The following ROBO1 variants were observed in gnomAD, a reference collection of about 807,000 sequenced individuals.
The protein encoded by ROBO1 is roundabout guidance receptor 1.
Under a neutral mutation model 195.9 loss-of-function variants are expected in ROBO1, and 149 were observed. The ratio of observed to expected loss-of-function variants is 0.76; its 90% confidence interval spans 0.67 to 0.87. The LOEUF is 0.87. Among genes scored for constraint, ROBO1 ranks in the 40% least tolerant of loss-of-function variants. The probability of loss-of-function intolerance (pLI) is 0.00; values close to 1 mark genes in which losing one functional copy is unlikely to be tolerated. For synonymous variants in ROBO1, 816 were observed against 733.2 expected (o/e 1.11, Z -1.82); for missense variants, 1,933 against 2,068.3 (o/e 0.93, Z 1.27).
At chr3:78,941,518 T>C (rs866698856) in intron 3 of ROBO1, among the ~76,000 whole-genome samples, 2 of 152,192 alleles carry the variant, frequency 1.3e-5, no homozygotes, top group African/African-American at 2.4e-5. Flanking sequence ...TATTTTAAAA[T>C]CTGAAAGTCC....
intron 3 of ROBO1, among the ~76,000 whole-genome samples, chr3:79,050,045 T>C (rs1264690283): frequency 6.6e-6 from 1 of 152,050 alleles, no homozygotes; most frequent in African/African-American, 2.4e-5. Context: ...CACATAACAA[T>C]ATTAACCTTA....
At chr3:79,222,796 G>A (rs2082163287) in intron 2 of ROBO1, among the ~76,000 whole-genome samples, 2 of 151,960 alleles carry the variant, frequency 1.3e-5, no homozygotes, top group South Asian at 4.1e-4. Flanking sequence ...GGTTATGTCT[G>A]GTGAATAATT....
chr3:79,741,103 G>T (rs903702661), intron 1 of ROBO1, among the ~76,000 whole-genome samples: 4 of 152,306 alleles, frequency 2.6e-5, no homozygotes, highest in South Asian at 2.1e-4. Flanking sequence ...AGCTGGAAAA[G>T]GTTGTGCTTA....
intron 2 of ROBO1, among the ~76,000 whole-genome samples, chr3:79,399,500 C>T (rs1197851535): frequency 3.3e-5 from 5 of 152,098 alleles, no homozygotes; most frequent in Non-Finnish European, 7.4e-5. Context: ...ATCACTACTC[C>T]CTCATTTCTT....
intron 4 of ROBO1, among the ~76,000 whole-genome samples, chr3:78,858,154 G>A (rs1241926818): frequency 6.6e-6 from 1 of 152,100 alleles, no homozygotes; most frequent in Non-Finnish European, 1.5e-5. Context: ...AGTGTGGCTA[G>A]CTCATAAGGA....
At chr3:79,497,518 T>C (rs538509652) in intron 2 of ROBO1, among the ~76,000 whole-genome samples, 14 of 152,340 alleles carry the variant, frequency 9.2e-5, no homozygotes, top group Admixed American at 5.9e-4. Context: ...TATTATCTTT[T>C]ATAAGTGAGA....
intron 2 of ROBO1, among the ~76,000 whole-genome samples, chr3:79,301,419 GA>G (rs1259243667): frequency 1.3e-5 from 2 of 152,174 alleles, no homozygotes; most frequent in African/African-American, 4.8e-5. Context: ...CACCTCCTAT[GA>G]AAAGACATAT....
intron 5 of ROBO1, among the ~76,000 whole-genome samples, chr3:78,721,252 CA>C (rs1380363152): frequency 6.6e-6 from 1 of 152,170 alleles, no homozygotes; most frequent in East Asian, 1.9e-4. Context: ...ATCATCTTAT[CA>C]AAATCTTCCT....
At chr3:79,231,995 A>G (rs1454602682) in intron 2 of ROBO1, among the ~76,000 whole-genome samples, 1 of 152,094 alleles carries the variant, frequency 6.6e-6, no homozygotes, top group Non-Finnish European at 1.5e-5. Flanking sequence ...ATTCTCACTT[A>G]TAAGTGGGAG....
chr3:79,057,973 G>T (rs1429136320), intron 3 of ROBO1, among the ~76,000 whole-genome samples: 1 of 151,996 alleles, frequency 6.6e-6, no homozygotes, highest in Non-Finnish European at 1.5e-5. Context: ...TATCCATCTA[G>T]AAACCCAAAT....
intron 2 of ROBO1, among the ~76,000 whole-genome samples, chr3:79,441,856 T>C (rs2039065123): frequency 6.6e-6 from 1 of 152,130 alleles, no homozygotes; most frequent in Non-Finnish European, 1.5e-5. Context: ...TACTTCAAAA[T>C]TGATAGACCT....
chr3:78,802,323 T>C lies in ROBO1; in HGVS notation c.500-55423A>G, dbSNP rs377568353. 5.3e-5 allele frequency among the ~76,000 whole-genome samples: 8 copies of C among 152,268 alleles called. No individual in the cohort carries two copies. The East Asian group carries it at 7.7e-4, about 15-fold the overall frequency. On this transcript the variant is annotated intron_variant, in intron 4 of 30. Coordinates refer to ENST00000464233, the MANE Select transcript of ROBO1 (RefSeq NM_002941.4). ...AACACATTGATCCTTGGGAAACTAG[T>C]TGCAAGAACATAAACACAAAGGGGC...
chr3:79,176,437 C>T (rs2081262830), intron 2 of ROBO1, among the ~76,000 whole-genome samples: 2 of 152,036 alleles, frequency 1.3e-5, no homozygotes, highest in African/African-American at 2.4e-5. Context: ...AATTTGTAGG[C>T]TTGTATATAT....
chr3:79,380,741 C>T (rs1293508300), intron 2 of ROBO1, among the ~76,000 whole-genome samples: 1 of 152,098 alleles, frequency 6.6e-6, no homozygotes, highest in African/African-American at 2.4e-5. Flanking sequence ...AGTCCATTTT[C>T]CCATCCCTTA....
At chr3:79,623,992 A>G (rs1004011464) in intron 1 of ROBO1, among the ~76,000 whole-genome samples, 2 of 152,230 alleles carry the variant, frequency 1.3e-5, no homozygotes, top group Non-Finnish European at 2.9e-5. Context: ...GGCTACCAGC[A>G]GAAGTCTCAA....
chr3:78,828,051 C>T (rs1159720310), intron 4 of ROBO1, among the ~76,000 whole-genome samples: 2 of 152,022 alleles, frequency 1.3e-5, no homozygotes, highest in Non-Finnish European at 2.9e-5. Context: ...TAATGTATAC[C>T]ACCCAAATGT....
chr3:79,474,765 A>G (rs939342861), intron 2 of ROBO1, among the ~76,000 whole-genome samples: 1 of 151,982 alleles, frequency 6.6e-6, no homozygotes, highest in Admixed American at 6.6e-5. Context: ...ACATTTAAAG[A>G]CTCCTTAAAC....
At chr3:78,758,305 G>A (rs1043576799) in intron 4 of ROBO1, among the ~76,000 whole-genome samples, 12 of 152,158 alleles carry the variant, frequency 7.9e-5, no homozygotes, top group South Asian at 4.2e-4. Context: ...GACTGCCTGC[G>A]CCCAGCAGTT....
chr3:79,107,658 A>C (rs2079809444), intron 3 of ROBO1, among the ~76,000 whole-genome samples: 1 of 151,682 alleles, frequency 6.6e-6, no homozygotes. Context: ...TTTATTTTCT[A>C]AATTACCTGT....
Sources: allele counts gnomAD v4.1 joint callset (sites outside exome capture counted in the v4.1 genomes callset), GRCh38; gene constraint gnomAD v4.1.1; transcripts MANE v1.5; gene names NCBI Gene and HGNC (gene_info 2026-07-23, HGNC 2026-07-21).